The following NXPH1 variants were observed in gnomAD, a reference collection of about 807,000 sequenced individuals.
NXPH1 encodes neurexophilin 1, also known as neurexophilin-1.
Under a neutral mutation model 23.7 loss-of-function variants are expected in NXPH1, and 5 were observed. That is an observed-to-expected ratio of 0.21 (90% CI 0.11 to 0.44). The LOEUF (loss-of-function observed/expected upper bound fraction) is 0.44. Ranked by LOEUF, NXPH1 falls within the 20% of genes least tolerant of loss-of-function variation. NXPH1 has a pLI of 0.99. For synonymous variants in NXPH1, 144 were observed against 122.2 expected (o/e 1.18, Z -1.18); for missense variants, 324 against 321.6 (o/e 1.01, Z -0.06).
At chr7:8,620,989 T>C (rs913585524) in intron 2 of NXPH1, among the ~76,000 whole-genome samples, 3 of 152,218 alleles carry the variant, frequency 2.0e-5, no homozygotes, top group Admixed American at 2.0e-4. Context: ...TCATAGTCAG[T>C]TGCCTATATT....
chr7:8,524,684 C>T (rs188545268), intron 2 of NXPH1, among the ~76,000 whole-genome samples: 8 of 152,214 alleles, frequency 5.3e-5, no homozygotes, highest in Admixed American at 3.3e-4. Context: ...TCATGGGGGC[C>T]GATCTTTCCC....
intron 2 of NXPH1, among the ~76,000 whole-genome samples, chr7:8,535,956 G>A (rs1259769169): frequency 1.3e-5 from 2 of 151,946 alleles, no homozygotes; most frequent in Non-Finnish European, 2.9e-5. Flanking sequence ...CTTTGCCTAG[G>A]TGATTGTGGT....
At chr7:8,539,910 T>C (rs1050868045) in intron 2 of NXPH1, among the ~76,000 whole-genome samples, 1 of 151,874 alleles carries the variant, frequency 6.6e-6, no homozygotes, top group Non-Finnish European at 1.5e-5. Context: ...TTTTCATTAG[T>C]GACTTTTGTT....
At chr7:8,556,544 T>A (rs553337314) in intron 2 of NXPH1, among the ~76,000 whole-genome samples, 1 of 151,756 alleles carries the variant, frequency 6.6e-6, no homozygotes, top group East Asian at 2.0e-4. Flanking sequence ...CCGAGAATGC[T>A]CCAGCAGGCA....
intron 2 of NXPH1, among the ~76,000 whole-genome samples, chr7:8,550,201 C>G (rs1306127037): frequency 6.6e-6 from 1 of 151,532 alleles, no homozygotes; most frequent in Non-Finnish European, 1.5e-5. Context: ...ATGTGTCTGC[C>G]TAGTGACAGC....
intron 2 of NXPH1, among the ~76,000 whole-genome samples, chr7:8,481,425 T>A (rs890638167): frequency 3.9e-5 from 6 of 152,156 alleles, no homozygotes; most frequent in Admixed American, 1.3e-4. Flanking sequence ...TTGTGAAAGA[T>A]CTTTTGATTT....
intron 2 of NXPH1, among the ~76,000 whole-genome samples, chr7:8,741,412 C>G (rs551140917): frequency 6.6e-6 from 1 of 151,980 alleles, no homozygotes; most frequent in African/African-American, 2.4e-5. Context: ...GGATATAAAC[C>G]CAGAAGTGGG....
chr7:8,736,765 C>G lies in NXPH1; in HGVS notation c.55-14243C>G, dbSNP rs1780264171. ...CCCACATTTGTGTGACAGTCTAAGTCTCTTTTTAGGTGTCTAAAAATTTGC... is the reference window on the plus strand; with the variant it reads ...CCCACATTTGTGTGACAGTCTAAGTGTCTTTTTAGGTGTCTAAAAATTTGC... On this transcript the variant is annotated intron_variant, in intron 2 of 2. Transcript: ENST00000405863. Among the ~76,000 whole-genome samples, 5 of 152,250 alleles carry G rather than the reference C, an allele frequency of 3.3e-5. No individual in the cohort carries two copies. The South Asian group carries it at 1.0e-3, about 32-fold the overall frequency.
intron 2 of NXPH1, among the ~76,000 whole-genome samples, chr7:8,571,782 C>T (rs559402812): frequency 1.1e-4 from 16 of 151,414 alleles, no homozygotes; most frequent in African/African-American, 2.2e-4. Context: ...GTAATTTGTA[C>T]GTAATTCTCC....
chr7:8,695,044 A>G (rs774327507), intron 2 of NXPH1, among the ~76,000 whole-genome samples: 1 of 152,240 alleles, frequency 6.6e-6, no homozygotes, highest in Non-Finnish European at 1.5e-5. Flanking sequence ...CAGAACTAGG[A>G]TATCAACTTT....
At chr7:8,737,541 C>G in intron 2 of NXPH1, among the ~76,000 whole-genome samples, 1 of 152,088 alleles carries the variant, frequency 6.6e-6, no homozygotes. Context: ...GTAACCTGAC[C>G]TTTCTCTCTG....
intron 2 of NXPH1, among the ~76,000 whole-genome samples, chr7:8,677,178 T>C (rs1820964828): frequency 6.6e-6 from 1 of 152,192 alleles, no homozygotes; most frequent in Non-Finnish European, 1.5e-5. Context: ...AGAATAATTA[T>C]AAAGGGCAGT....
intron 2 of NXPH1, among the ~76,000 whole-genome samples, chr7:8,635,578 G>C (rs1379011620): frequency 6.6e-6 from 1 of 152,186 alleles, no homozygotes; most frequent in South Asian, 2.1e-4. Flanking sequence ...CATCAAGATA[G>C]ATATGTTAGA....
chr7:8,599,704 A>C (rs866935556), intron 2 of NXPH1, among the ~76,000 whole-genome samples: 19 of 152,054 alleles, frequency 1.2e-4, no homozygotes, highest in Non-Finnish European at 2.5e-4. Context: ...TTGTACTAGT[A>C]CTGCAGGCTA....
chr7:8,644,816 A>C (rs761630367), intron 2 of NXPH1, among the ~76,000 whole-genome samples: 14 of 151,890 alleles, frequency 9.2e-5, no homozygotes, highest in Non-Finnish European at 1.9e-4. Flanking sequence ...AGTGGTAACC[A>C]CTCTCTTAAA....
intron 2 of NXPH1, among the ~76,000 whole-genome samples, chr7:8,662,654 C>T (rs1276783749): frequency 6.6e-6 from 1 of 151,800 alleles, no homozygotes. Context: ...AATTAGAAAA[C>T]TGAGAAGTGA....
At chr7:8,493,920 T>A (rs1341599717) in intron 2 of NXPH1, among the ~76,000 whole-genome samples, 1 of 151,990 alleles carries the variant, frequency 6.6e-6, no homozygotes, top group East Asian at 1.9e-4. Context: ...GATGGGATAT[T>A]TTATCATGTT....
intron 2 of NXPH1, among the ~76,000 whole-genome samples, chr7:8,689,291 A>G (rs1821192209): frequency 6.8e-6 from 1 of 146,824 alleles, no homozygotes; most frequent in African/African-American, 2.5e-5. Flanking sequence ...GCTTTCTATT[A>G]CATGCTACAT....
At chr7:8,557,221 C>T (rs1205181812) in intron 2 of NXPH1, among the ~76,000 whole-genome samples, 1 of 151,620 alleles carries the variant, frequency 6.6e-6, no homozygotes, top group African/African-American at 2.4e-5. Context: ...CATGTGGGTA[C>T]ATCCCGGGCT....
Sources: gnomAD v4.1 joint callset for allele counts (sites outside exome capture counted in the v4.1 genomes callset) on GRCh38, gnomAD v4.1.1 for gene constraint, MANE v1.5 for transcripts, NCBI Gene and HGNC (gene_info 2026-07-23, HGNC 2026-07-21) for gene names.